CCDC138: variants seen among roughly 807,000 people sequenced by gnomAD.
CCDC138 encodes coiled-coil domain containing 138.
CCDC138 carries 66 observed loss-of-function variants against 82.3 expected under a neutral mutation model. That is an observed-to-expected ratio of 0.80 (90% CI 0.66 to 0.98). The LOEUF is 0.98. Ranked by LOEUF, CCDC138 falls within the 50% of genes least tolerant of loss-of-function variation. CCDC138 has a pLI of 0.00. For missense variants in CCDC138, 816 were observed against 758.9 expected, an observed-to-expected ratio of 1.08 and a Z score of -0.88; for synonymous variants, 297 against 265.4, an observed-to-expected ratio of 1.12 and a Z score of -1.16.
chr2:108,788,974 AC>A lies in CCDC138; in HGVS notation c.266+11del, dbSNP rs1187432185. 1 of 1,613,378 alleles carries A rather than the reference AC, an allele frequency of 6.2e-7. No homozygotes were observed. The highest frequency in any genetic ancestry group is 8.5e-7 in the Non-Finnish European group (1 of 1,179,576). On this transcript the variant is annotated intron_variant, in intron 3 of 14. Transcript: ENST00000295124. Reference sequence around the variant, plus strand: ...GCACGTAAATGTGAATTGGTAAAGTACCCTGAAACTTTACTGTTGCTACCCC... The same window carrying A: ...GCACGTAAATGTGAATTGGTAAAGTACCTGAAACTTTACTGTTGCTACCCC...
chr2:108,848,317 T>A (rs940925055), intron 12 of CCDC138, among the ~76,000 whole-genome samples: 1 of 152,174 alleles, frequency 6.6e-6, no homozygotes, highest in East Asian at 1.9e-4. Context: ...TCACCACTTG[T>A]GTGCAGCAGT....
chr2:108,810,160 C>T (rs1312895530), intron 7 of CCDC138, among the ~76,000 whole-genome samples: 1 of 152,144 alleles, frequency 6.6e-6, no homozygotes, highest in African/African-American at 2.4e-5. Context: ...ATTACTCTGG[C>T]TAGTACTTCT....
intron 13 of CCDC138, among the ~76,000 whole-genome samples, chr2:108,865,910 T>G (rs1694336699): frequency 6.6e-6 from 1 of 152,134 alleles, no homozygotes; most frequent in Non-Finnish European, 1.5e-5. Context: ...AGGGTAGACA[T>G]AAACCAGTTT....
intron 3 of CCDC138, among the ~76,000 whole-genome samples, chr2:108,790,696 G>A (rs1183260978): frequency 1.3e-5 from 2 of 152,118 alleles, no homozygotes; most frequent in African/African-American, 2.4e-5. Flanking sequence ...GTGAGACTCC[G>A]TCTCAAAAAA....
chr2:108,884,998 G>T (rs1204859919), intron 2 of CCDC138: 1 of 152,214 alleles, frequency 6.6e-6, no homozygotes, highest in Non-Finnish European at 1.5e-5. Flanking sequence ...TTCCCAAGGA[G>T]CTAATTGGAA....
intron 13 of CCDC138, among the ~76,000 whole-genome samples, chr2:108,863,893 A>G (rs1694004844): frequency 2.0e-5 from 3 of 152,202 alleles, no homozygotes; most frequent in African/African-American, 2.4e-5. Flanking sequence ...GCTTTTAGCC[A>G]TATATTTGCT....
At chr2:108,812,778 A>G in intron 8 of CCDC138, 42 bp from the exon 9 acceptor site, 6 of 1,611,514 alleles carry the variant, frequency 3.7e-6, no homozygotes, top group Non-Finnish European at 5.1e-6. Flanking sequence ...TTACTCATTT[A>G]GATACAATTG....
chr2:108,818,325 G>A (rs182155233), intron 10 of CCDC138, among the ~76,000 whole-genome samples: 198 of 152,020 alleles, frequency 1.3e-3, no homozygotes, highest in African/African-American at 4.6e-3. Flanking sequence ...TAATGGAATC[G>A]GGATCATGTA....
intron 10 of CCDC138, among the ~76,000 whole-genome samples, chr2:108,830,112 A>T (rs1249402849): frequency 6.6e-5 from 10 of 152,222 alleles, no homozygotes; most frequent in Admixed American, 6.5e-4. Context: ...ATGCTACAGC[A>T]TGAATGAACC....
At chr2:108,790,839 A>G (rs777157355) in intron 3 of CCDC138, among the ~76,000 whole-genome samples, 9 of 152,054 alleles carry the variant, frequency 5.9e-5, no homozygotes, top group African/African-American at 1.2e-4. Flanking sequence ...GTAGCCTCCA[A>G]CTCCTGGGCT....
chr2:108,863,087 A>G (rs892938405), intron 13 of CCDC138, among the ~76,000 whole-genome samples: 2 of 152,214 alleles, frequency 1.3e-5, no homozygotes, highest in Non-Finnish European at 2.9e-5. Flanking sequence ...TTAATTTGAT[A>G]TCTTTCTATC....
rs1250055327 is a variant in CCDC138 at position 108,812,612 on chromosome 2, A to G, written c.856-19A>G. 3 of 1,590,126 alleles carry G rather than the reference A, an allele frequency of 1.9e-6. No homozygotes were observed. Among genetic ancestry groups the G allele is most frequent in the Non-Finnish European group, 2.6e-6 (3 of 1,158,758 alleles). Reference sequence around the variant, plus strand: ...GTTGAAGGTGTATATTGAAATATCTAACTTTTTCTACCCTTTAGTTAAATG... The same window carrying G: ...GTTGAAGGTGTATATTGAAATATCTGACTTTTTCTACCCTTTAGTTAAATG... On this transcript the variant is annotated intron_variant, in intron 7 of 14. Coordinates refer to ENST00000295124, the MANE Select transcript of CCDC138 (RefSeq NM_144978.3).
intron 13 of CCDC138, among the ~76,000 whole-genome samples, chr2:108,871,749 T>G (rs1695284939): frequency 6.6e-6 from 1 of 152,226 alleles, no homozygotes; most frequent in East Asian, 1.9e-4. Context: ...AAATACATAC[T>G]GCTAATGTAT....
At position 108,798,509 on chromosome 2, in the gene CCDC138, T is replaced by C. The variant is rs745985748; in HGVS notation, c.658T>C (p.Phe220Leu). 1 of 1,614,008 alleles carries C rather than the reference T, an allele frequency of 6.2e-7. No individual in the cohort carries two copies. Among genetic ancestry groups the C allele is most frequent in the South Asian group, 1.1e-5 (1 of 91,058 alleles). The change falls in exon 6 of 15, where the codon TTC becomes CTC. Residue 220 changes from phenylalanine to leucine, a missense_variant. Physicochemically the swap from Phe to Leu is conservative, Grantham distance 22. Coordinates refer to ENST00000295124, the MANE Select transcript of CCDC138 (RefSeq NM_144978.3). ...RFLLEREQLLFRHENALSKIK... is the reference protein window; with the variant it reads ...RFLLEREQLLLRHENALSKIK... ...TTTACTTGAAAGAGAACAACTGCTT[T>C]TCAGACATGAAAATGCCTTGAGTAA...
intron 3 of CCDC138, 42 bp from the exon 4 acceptor site, chr2:108,791,633 A>G (rs1679924067): frequency 6.3e-7 from 1 of 1,585,272 alleles, no homozygotes; most frequent in Non-Finnish European, 8.6e-7. Context: ...AAAGTGCTAT[A>G]GTAAACTTCT....
chr2:108,824,206 G>GTA (rs1686190978), intron 10 of CCDC138, among the ~76,000 whole-genome samples: 3 of 152,072 alleles, frequency 2.0e-5, no homozygotes, highest in Admixed American at 2.0e-4. Context: ...TTAGCTTACT[G>GTA]TAATCTTTTT....
chr2:108,789,024 AAG>A, intron 3 of CCDC138, 58 bp downstream of exon 3: 1 of 1,576,782 alleles, frequency 6.3e-7, no homozygotes, highest in Admixed American at 1.7e-5. Context: ...AAAACTGAGA[AAG>A]AGAAAAGGGC....
intron 6 of CCDC138, among the ~76,000 whole-genome samples, chr2:108,801,881 AG>A (rs1447422610): frequency 1.4e-4 from 5 of 35,014 alleles, no homozygotes; most frequent in African/African-American, 2.9e-4. Context: ...TTTATTAAAT[AG>A]GGAATCCTTT....
At chr2:108,878,810 A>G (rs1213515636), downstream of CCDC138, among the ~76,000 whole-genome samples, 1 of 152,236 alleles carries the variant, frequency 6.6e-6, no homozygotes, top group Non-Finnish European at 1.5e-5. Context: ...AATCTTCTAC[A>G]TTATCAGAAA....
Sources: allele counts gnomAD v4.1 joint callset (sites outside exome capture counted in the v4.1 genomes callset), GRCh38; gene constraint gnomAD v4.1.1; transcripts MANE v1.5; gene names NCBI Gene and HGNC (gene_info 2026-07-23, HGNC 2026-07-21).